The following IL2RB variants were observed in gnomAD, a reference collection of about 807,000 sequenced individuals.
The protein encoded by IL2RB is interleukin 2 receptor subunit beta, also known as interleukin-2 receptor subunit beta.
IL2RB carries 17 observed loss-of-function variants against 44.2 expected under a neutral mutation model. That is an observed-to-expected ratio of 0.38 (90% CI 0.26 to 0.58). The LOEUF (loss-of-function observed/expected upper bound fraction) is 0.58. Among genes scored for constraint, IL2RB ranks in the 20% least tolerant of loss-of-function variants. The pLI, the probability that IL2RB is intolerant of heterozygous loss-of-function variation, is 0.63. For synonymous variants in IL2RB, 286 were observed against 297.9 expected (o/e 0.96, Z 0.41); for missense variants, 624 against 685.5 (o/e 0.91, Z 1.00).
chr22:37,148,417 C>T (rs1227928038), intron 1 of IL2RB, among the ~76,000 whole-genome samples: 1 of 152,156 alleles, frequency 6.6e-6, no homozygotes, highest in Non-Finnish European at 1.5e-5. Context: ...TTTGAGCACC[C>T]CCTCCTGGGT....
At chr22:37,166,728 C>T (rs549055109) in intron 1 of IL2RB, 1 of 152,346 alleles carries the variant, frequency 6.6e-6, no homozygotes, top group East Asian at 1.9e-4. Context: ...CCTCCCCAGC[C>T]TCCTCGAGAC....
In IL2RB at chr22:37,125,991, A is replaced by G. The variant is rs2146220005; in HGVS notation, c.*2105T>C. 6.6e-6 allele frequency: 1 copy of G among 152,374 alleles called. No homozygotes were observed. Among genetic ancestry groups the G allele is most frequent in the South Asian group, 2.1e-4 (1 of 4,826 alleles). 9.4% of individuals were successfully genotyped at this position (152,374 alleles called of 1,614,324 possible). A position where few individuals can be genotyped will look rare whatever the true frequency, so the allele number is the denominator to read the frequency against. ...GAAAAAATATTAAGGAAATAATCAC[A>G]AAGATGGTACACACGGATCATTAAA... On this transcript the variant is annotated 3_prime_UTR_variant, in exon 10 of 10. Coordinates refer to ENST00000216223, the MANE Select transcript of IL2RB (RefSeq NM_000878.5).
chr22:37,147,781 G>A (rs533486745), intron 1 of IL2RB, among the ~76,000 whole-genome samples: 17 of 152,322 alleles, frequency 1.1e-4, no homozygotes, highest in African/African-American at 2.6e-4. Flanking sequence ...CTGGCCTACC[G>A]TCTCCACAGG....
chr22:37,154,565 CTTTTTTTTTCT>C (rs1922609632), upstream of IL2RB, among the ~76,000 whole-genome samples: 1 of 133,380 alleles, frequency 7.5e-6, no homozygotes, highest in Admixed American at 7.2e-5. Flanking sequence ...CTCTATCTCT[CTTTTTTTTTCT>C]TTTTTTTTTT....
intron 4 of IL2RB, among the ~76,000 whole-genome samples, chr22:37,140,597 C>T (rs981730820): frequency 2.6e-5 from 4 of 152,060 alleles, no homozygotes; most frequent in Non-Finnish European, 4.4e-5. Context: ...GAACAGCATC[C>T]GGTTCCAGAG....
rs550956957 is a variant in IL2RB at position 37,144,124 on chromosome 22, G to A, written c.49C>T (p.Leu17=). 7.1e-6 allele frequency: 11 copies of A among 1,552,512 alleles called. No homozygotes were observed. The South Asian group carries it at 1.3e-4, about 18-fold the overall frequency. ...SWRLPLLILL[L]PLATSWASAA... The stretch of plus-strand genomic sequence containing the variant: ...GATGCCCAAGAGGTAGCCAGGGGCA[G>A]GAGGAGGATGAGGAGGGGCAGACGC... Residue 17 remains leucine (L), a synonymous_variant, in exon 2 of 10, where the codon CTG becomes TTG. Coordinates refer to ENST00000216223, the MANE Select transcript of IL2RB (RefSeq NM_000878.5).
chr22:37,142,358 G>T, intron 4 of IL2RB, 76 bp downstream of exon 4: 1 of 1,368,348 alleles, frequency 7.3e-7, no homozygotes, highest in Non-Finnish European at 1.0e-6. Flanking sequence ...CCTGGCATCC[G>T]GCCCACCCTG....
chr22:37,143,480 C>T, intron 3 of IL2RB, 41 bp downstream of exon 3: 2 of 1,326,980 alleles, frequency 1.5e-6, no homozygotes, highest in Non-Finnish European at 2.2e-6. Context: ...AATATGAGAT[C>T]CCACCATCCT....
chr22:37,169,374 C>A (rs181288538), intron 1 of IL2RB, among the ~76,000 whole-genome samples: 4,687 of 151,708 alleles, frequency 0.031, 255 homozygotes, highest in African/African-American at 0.11. Flanking sequence ...GTTCTGTTTA[C>A]AGAGGGATTC....
intron 1 of IL2RB, among the ~76,000 whole-genome samples, chr22:37,173,077 G>A (rs1923343216): frequency 6.6e-6 from 1 of 152,074 alleles, no homozygotes; most frequent in Non-Finnish European, 1.5e-5. Flanking sequence ...CCGGCCTCTG[G>A]GTCTTTCTTT....
intron 1 of IL2RB, among the ~76,000 whole-genome samples, chr22:37,164,689 T>C (rs1923008960): frequency 6.6e-6 from 1 of 152,076 alleles, no homozygotes; most frequent in African/African-American, 2.4e-5. Context: ...AAGGAGGCTC[T>C]GAACAGCCCA....
chr22:37,137,884 C>A (rs1921787866), intron 5 of IL2RB, 149 bp from the exon 6 acceptor site: 2 of 662,152 alleles, frequency 3.0e-6, no homozygotes, highest in African/African-American at 3.6e-5. Flanking sequence ...TGCCTCCAGG[C>A]CTCTCTCAAT....
At chr22:37,147,950 G>A (rs1922305647) in intron 1 of IL2RB, among the ~76,000 whole-genome samples, 1 of 152,232 alleles carries the variant, frequency 6.6e-6, no homozygotes, top group Non-Finnish European at 1.5e-5. Context: ...CTGGCCCTGG[G>A]GCAAGGGGAC....
intron 1 of IL2RB, among the ~76,000 whole-genome samples, chr22:37,164,172 C>A (rs574661540): frequency 2.0e-5 from 3 of 152,294 alleles, no homozygotes; most frequent in Non-Finnish European, 2.9e-5. Context: ...TCTCCCTCTG[C>A]GCTCCCTGCC....
intron 1 of IL2RB, among the ~76,000 whole-genome samples, chr22:37,160,679 C>CAAAAAAAA (rs10605445): frequency 9.4e-4 from 128 of 136,020 alleles, no homozygotes; most frequent in East Asian, 4.2e-3. Context: ...CTGTCTATGC[C>CAAAAAAAA]AAAAAAAAAA....
chr22:37,126,045 C>T lies in IL2RB; in HGVS notation c.*2051G>A, dbSNP rs1196097703. The T allele has an allele frequency of 6.6e-6, 1 of 152,144 alleles. No individual in the cohort carries two copies. The highest frequency in any genetic ancestry group is 1.5e-5 in the Non-Finnish European group (1 of 68,032). 9.4% of individuals were successfully genotyped at this position (152,144 alleles called of 1,614,324 possible). A position where few individuals can be genotyped will look rare whatever the true frequency, so the allele number is the denominator to read the frequency against. On this transcript the variant is annotated 3_prime_UTR_variant, in exon 10 of 10. Coordinates refer to ENST00000216223, the MANE Select transcript of IL2RB (RefSeq NM_000878.5). ...TACGGATGTATAGATACATATGTCA[C>T]AAATGATTAAGACTTAAAAAATGTA...
In IL2RB at chr22:37,135,435, C is replaced by T; in HGVS notation, c.711G>A (p.Gly237=). The change falls in exon 8 of 10, where the codon GGG becomes GGA. Residue 237 remains glycine, a synonymous_variant. Coordinates refer to ENST00000216223, the MANE Select transcript of IL2RB (RefSeq NM_000878.5). The stretch of plus-strand genomic sequence containing the variant: ...GGCCGAGCCACGGAATGGTGTCCTT[C>T]CCAAGGGCTGCCCAGGGGTGGGAGA... ...LAFRTKPAAL[G]KDTIPWLGHL... is the part of the protein sequence containing the mutation. 1.2e-6 allele frequency: 2 copies of T among 1,609,916 alleles called. No homozygotes were observed. Among genetic ancestry groups the T allele is most frequent in the Non-Finnish European group, 8.5e-7 (1 of 1,176,308 alleles).
chr22:37,161,403 T>C (rs887564750), intron 1 of IL2RB, among the ~76,000 whole-genome samples: 1 of 152,138 alleles, frequency 6.6e-6, no homozygotes, highest in African/African-American at 2.4e-5. Context: ...GTTGGAGTTA[T>C]CTCCTTTTTT....
intron 1 of IL2RB, among the ~76,000 whole-genome samples, chr22:37,170,635 G>A (rs1444529617): frequency 1.3e-5 from 2 of 152,144 alleles, no homozygotes; most frequent in South Asian, 2.1e-4. Flanking sequence ...AGTCCCAAGG[G>A]TGCCACATTT....
Sources: allele counts gnomAD v4.1 joint callset (sites outside exome capture counted in the v4.1 genomes callset), GRCh38; gene constraint gnomAD v4.1.1; transcripts MANE v1.5; gene names NCBI Gene and HGNC (gene_info 2026-07-23, HGNC 2026-07-21).